Variants in B4GALNT3 observed in about 807,000 individuals in gnomAD.
B4GALNT3 encodes beta-1,4-N-acetyl-galactosaminyltransferase 3, also known as beta-1,4-N-acetylgalactosaminyltransferase 3.
A neutral mutation model predicts 120.2 loss-of-function variants in B4GALNT3; 86 were observed. The observed-to-expected ratio is 0.72, with a 90% CI of 0.60 to 0.86. The LOEUF (loss-of-function observed/expected upper bound fraction) is 0.86, where lower values mean the gene tolerates loss of function less well. Among genes scored for constraint, B4GALNT3 ranks in the 40% least tolerant of loss-of-function variants. The pLI is 0.00. For missense variants in B4GALNT3, 1,167 were observed against 1,298.9 expected, an observed-to-expected ratio of 0.90 and a Z score of 1.56; for synonymous variants, 518 against 510.4, an observed-to-expected ratio of 1.01 and a Z score of -0.20.
At chr12:523,831 G>A (rs1412362748) in intron 1 of B4GALNT3, among the ~76,000 whole-genome samples, 1 of 152,224 alleles carries the variant, frequency 6.6e-6, no homozygotes, top group Non-Finnish European at 1.5e-5. Flanking sequence ...GGGAGGCTGA[G>A]ACAGGCGGCT....
intron 1 of B4GALNT3, among the ~76,000 whole-genome samples, chr12:465,791 C>T (rs1202940739): frequency 1.4e-5 from 2 of 147,364 alleles, no homozygotes; most frequent in African/African-American, 5.0e-5. Flanking sequence ...GTCCCATTCC[C>T]CTGCTTGATG....
At chr12:527,269 G>A (rs1946766374) in intron 1 of B4GALNT3, among the ~76,000 whole-genome samples, 1 of 152,212 alleles carries the variant, frequency 6.6e-6, no homozygotes, top group African/African-American at 2.4e-5. Context: ...AAGCAGGGAT[G>A]TTTGGGTGAG....
At chr12:516,932 G>A (rs1253054457) in intron 1 of B4GALNT3, among the ~76,000 whole-genome samples, 1 of 152,142 alleles carries the variant, frequency 6.6e-6, no homozygotes, top group Non-Finnish European at 1.5e-5. Context: ...ATTGGATATG[G>A]GGAGAGGAAT....
intron 1 of B4GALNT3, among the ~76,000 whole-genome samples, chr12:515,174 GT>G (rs143812327): frequency 0.18 from 26,976 of 151,942 alleles, 3,375 homozygotes; most frequent in African/African-American, 0.36. Context: ...CCTCAAAGGG[GT>G]TTTTTTGTTG....
At position 460,537 on chromosome 12, in the gene B4GALNT3, T is replaced by C; in HGVS notation, c.161T>C (p.Leu54Pro). The change falls in exon 1 of 20, where the codon CTG becomes CCG. Residue 54 changes from leucine (L) to proline (P), a missense_variant. Leu to Pro is a moderately conservative substitution (Grantham distance 98, BLOSUM62 -3). Around this residue, in one of 3 missense-constraint regions of B4GALNT3, gnomAD observed 171 missense variants for 161.3 expected, o/e 1.06. Transcript: ENST00000266383. The surrounding 1 kb of genome is among the most constrained non-coding windows in gnomAD (Gnocchi z 8.0). ...TCGGCCCAGGTCGGCGGGAACCCCC[T>C]GAACCGGAGTAAGTAGCACCCAGGG... is the stretch of plus-strand genomic sequence containing the variant. Reference protein sequence around the residue: ...VASAQVGGNPLNRRYGSWREL... With the variant: ...VASAQVGGNPPNRRYGSWREL... 5.3e-6 allele frequency: 8 copies of C among 1,512,144 alleles called. No homozygotes were observed. The highest frequency in any genetic ancestry group is 6.2e-6 in the Non-Finnish European group (7 of 1,124,226). 93.7% of individuals were successfully genotyped at this position (1,512,144 alleles called of 1,614,324 possible). A position where few individuals can be genotyped will look rare whatever the true frequency, so the allele number is the denominator to read the frequency against.
Position 536,269 on chromosome 12 carries a change from A to T in B4GALNT3, c.325A>T (p.Asn109Tyr). Reference sequence around the variant, plus strand: ...CAGTAACAGCAGCTACTTGAAGTGGAACAAGCCTGTCCCCTGGCTCTCAGA... The same window carrying T: ...CAGTAACAGCAGCTACTTGAAGTGGTACAAGCCTGTCCCCTGGCTCTCAGA... ...VSSNSSYLKWNKPVPWLSEFR... is the reference protein window; with the variant it reads ...VSSNSSYLKWYKPVPWLSEFR... Residue 109 changes from asparagine to tyrosine, a missense_variant, in exon 3 of 20, where the codon AAC (asparagine) becomes TAC (tyrosine). Asn to Tyr is a moderately radical substitution (Grantham distance 143). Around this residue, in one of 3 missense-constraint regions of B4GALNT3, gnomAD observed 171 missense variants for 161.3 expected, o/e 1.06. Coordinates refer to ENST00000266383, the MANE Select transcript of B4GALNT3 (RefSeq NM_173593.4). 6.2e-7 allele frequency: 1 copy of T among 1,614,116 alleles called. No homozygotes were observed.
At chr12:539,470 G>A (rs1434720946) in intron 3 of B4GALNT3, among the ~76,000 whole-genome samples, 1 of 151,690 alleles carries the variant, frequency 6.6e-6, no homozygotes, top group African/African-American at 2.4e-5. Context: ...CTTTGAGAAG[G>A]CAGTGTCTCT....
chr12:544,987 A>G lies in B4GALNT3; in HGVS notation c.538+15A>G. 6.2e-7 allele frequency: 1 copy of G among 1,611,910 alleles called. No homozygotes were observed. Among genetic ancestry groups the G allele is most frequent in the East Asian group, 2.2e-5 (1 of 44,862 alleles). ...CTTTACTGATGGTGAGGCCAGCCCC[A>G]AAACCCCATCCTTCTTCCTGCTCTA... On this transcript the variant is annotated intron_variant, in intron 5 of 19. Transcript: ENST00000266383.
intron 11 of B4GALNT3, among the ~76,000 whole-genome samples, chr12:551,824 T>G (rs1383632756): frequency 3.3e-5 from 5 of 151,852 alleles, no homozygotes; most frequent in Non-Finnish European, 7.4e-5. Context: ...ACCAGGGGCT[T>G]GACTCAGGGT....
chr12:509,529 A>G (rs1321335416), intron 1 of B4GALNT3, among the ~76,000 whole-genome samples: 1 of 152,212 alleles, frequency 6.6e-6, no homozygotes, highest in East Asian at 1.9e-4. Context: ...CCCAGTGCAG[A>G]TTTCATTGAC....
intron 1 of B4GALNT3, among the ~76,000 whole-genome samples, chr12:523,942 TCC>T (rs1946737119): frequency 2.6e-5 from 4 of 152,118 alleles, no homozygotes; most frequent in Non-Finnish European, 5.9e-5. Flanking sequence ...GCGCCTGTAA[TCC>T]CAGCTCCTCG....
intron 2 of B4GALNT3, among the ~76,000 whole-genome samples, chr12:536,003 C>T (rs1946854834): frequency 6.6e-6 from 1 of 152,192 alleles, no homozygotes; most frequent in Non-Finnish European, 1.5e-5. Flanking sequence ...ACTGCTTTCC[C>T]ATATGGGGAG....
intron 1 of B4GALNT3, among the ~76,000 whole-genome samples, chr12:473,226 C>T (rs1479284219): frequency 8.2e-6 from 1 of 122,542 alleles, no homozygotes; most frequent in African/African-American, 3.1e-5. Flanking sequence ...CCTCAGCCTC[C>T]CAAAGTGCTG....
At chr12:505,283 C>T (rs1302988308) in intron 1 of B4GALNT3, among the ~76,000 whole-genome samples, 1 of 152,198 alleles carries the variant, frequency 6.6e-6, no homozygotes. Context: ...TTGGGGCTTC[C>T]CTCTCCTCCT....
intron 3 of B4GALNT3, chr12:543,064 C>A: frequency 7.9e-7 from 1 of 1,260,506 alleles, no homozygotes; most frequent in Non-Finnish European, 1.0e-6. Flanking sequence ...TATTCTGTCA[C>A]AACCATTGTC....
intron 3 of B4GALNT3, among the ~76,000 whole-genome samples, chr12:541,294 A>G (rs1444108426): frequency 1.3e-5 from 2 of 152,206 alleles, no homozygotes; most frequent in Non-Finnish European, 2.9e-5. Flanking sequence ...CTGAGCTTCA[A>G]TGTCCTCACC....
chr12:484,799 TA>T (rs71045065), intron 1 of B4GALNT3, among the ~76,000 whole-genome samples: 70,758 of 143,944 alleles, frequency 0.49, 18,356 homozygotes, highest in Non-Finnish European at 0.61. Flanking sequence ...GGAGAAAAAT[TA>T]AAAAAAAAAA....
At chr12:559,508 C>G in intron 19 of B4GALNT3, 87 bp downstream of exon 19, 1 of 1,561,156 alleles carries the variant, frequency 6.4e-7, no homozygotes. Context: ...CCTAGCTGTC[C>G]CCCTCGGCCG....
intron 3 of B4GALNT3, among the ~76,000 whole-genome samples, chr12:542,859 C>CCCAGCTCACTCCTGCAGCTCACT (rs1178695893): frequency 2.0e-5 from 3 of 152,180 alleles, no homozygotes; most frequent in African/African-American, 7.2e-5. Flanking sequence ...CCAGATGGGC[C>CCCAGCTCACTCCTGCAGCTCACT]CCAGCTCACT....
Sources: allele counts gnomAD v4.1 joint callset (sites outside exome capture counted in the v4.1 genomes callset), GRCh38; gene constraint gnomAD v4.1.1; regional missense constraint gnomAD v4.1.1; non-coding constraint Gnocchi (gnomAD v3.1); transcripts MANE v1.5; gene names NCBI Gene and HGNC (gene_info 2026-07-23, HGNC 2026-07-21).